Variants in LRPPRC observed in about 807,000 individuals in gnomAD.
The protein encoded by LRPPRC is leucine-rich PPR motif-containing protein, mitochondrial.
In LRPPRC, 120 loss-of-function variants were observed where a neutral mutation model predicts 180.3. The observed-to-expected ratio is 0.67, with a 90% CI of 0.57 to 0.77. The LOEUF (loss-of-function observed/expected upper bound fraction) is 0.77. Ranked by LOEUF, LRPPRC falls within the 30% of genes least tolerant of loss-of-function variation. LRPPRC has a pLI of 0.00. For missense variants in LRPPRC, 2,012 were observed against 1,657.2 expected, an observed-to-expected ratio of 1.21 and a Z score of -3.72; for synonymous variants, 723 against 600.0, an observed-to-expected ratio of 1.21 and a Z score of -3.00.
intron 25 of LRPPRC, among the ~76,000 whole-genome samples, chr2:43,927,272 C>T (rs2105045320): frequency 6.6e-6 from 1 of 152,252 alleles, no homozygotes; most frequent in East Asian, 1.9e-4. Context: ...CTCTTAAGTC[C>T]TCATTATTTT....
rs974962342 is a variant in LRPPRC, at chr2:43,944,292, A to G, written c.2297-398T>C. On this transcript the variant is annotated intron_variant, in intron 22 of 37. Coordinates refer to ENST00000260665, the MANE Select transcript of LRPPRC (RefSeq NM_133259.4). ...ATAAAGATGTGTTTACACTGTATATACAGCCAGACTAATGGTCTGATACCG... is the reference window on the plus strand; with the variant it reads ...ATAAAGATGTGTTTACACTGTATATGCAGCCAGACTAATGGTCTGATACCG... Among the ~76,000 whole-genome samples the G allele has an allele frequency of 3.9e-5, 6 of 152,200 alleles. No homozygotes were observed. In the East Asian group the frequency reaches 9.6e-4, roughly 24 times the overall value.
chr2:43,974,888 A>T (rs1572567630), intron 7 of LRPPRC, 130 bp from the exon 8 acceptor site: 1 of 1,037,132 alleles, frequency 9.6e-7, no homozygotes, highest in East Asian at 2.5e-5. Flanking sequence ...TTCTTTTAAA[A>T]AACAGGAAAT....
Position 43,963,599 on chromosome 2 carries a change from C to G in LRPPRC, c.1477G>C (p.Ala493Pro). Residue 493 changes from alanine to proline, a missense_variant, in exon 12 of 38, where the codon GCC becomes CCC. By Grantham distance (27) the Ala-to-Pro change is conservative (BLOSUM62 -1). Transcript: ENST00000260665. ...ACACTTGTACTCACCTGCAAAATGG[C>G]TCGTGCTGAGTTTACACTATCAAAG... is the stretch of plus-strand genomic sequence containing the variant. ...PCFDSVNSAR[A>P]ILQENGCLSD... The G allele has an allele frequency of 6.3e-7, 1 of 1,593,024 alleles. No homozygotes were observed. Among genetic ancestry groups the G allele is most frequent in the Non-Finnish European group, 8.6e-7 (1 of 1,160,984 alleles).
intron 23 of LRPPRC, among the ~76,000 whole-genome samples, chr2:43,939,001 G>A (rs182885342): frequency 2.7e-4 from 41 of 152,068 alleles, no homozygotes; most frequent in South Asian, 1.2e-3. Flanking sequence ...GGCCGGGCGC[G>A]GTGGCTCACG....
At chr2:43,899,877 G>C (rs1322883935) in intron 32 of LRPPRC, among the ~76,000 whole-genome samples, 1 of 152,118 alleles carries the variant, frequency 6.6e-6, no homozygotes, top group Non-Finnish European at 1.5e-5. Flanking sequence ...ATGCTCTACA[G>C]ACAAGATCAA....
At position 43,925,981 on chromosome 2, in the gene LRPPRC, C is replaced by T. The variant is rs750567411; in HGVS notation, c.2737-20G>A. 4 of 1,436,268 alleles carry T rather than the reference C, an allele frequency of 2.8e-6. No homozygotes were observed. Among genetic ancestry groups the T allele is most frequent in the Non-Finnish European group, 3.9e-6 (4 of 1,017,696 alleles). The allele number at this position is 1,436,268 out of a possible 1,614,324, so 89.0% of individuals were successfully genotyped here. A position where few individuals can be genotyped will look rare whatever the true frequency, so the allele number is the denominator to read the frequency against. The stretch of plus-strand genomic sequence containing the variant: ...TGGAGTCTGTAAAATAAAATAATCA[C>T]ATAGCACCCAAGGTAAGGCTTCGGC... On this transcript the variant is annotated intron_variant, in intron 25 of 37. Coordinates refer to ENST00000260665, the MANE Select transcript of LRPPRC (RefSeq NM_133259.4).
intron 25 of LRPPRC, among the ~76,000 whole-genome samples, chr2:43,930,406 T>C (rs1361026613): frequency 6.6e-6 from 1 of 152,200 alleles, no homozygotes; most frequent in Non-Finnish European, 1.5e-5. Context: ...ACGTTGAGTA[T>C]CCCTTATCCA....
chr2:43,995,975 A>G lies in LRPPRC; in HGVS notation c.-28T>C, dbSNP rs977301055. 6.6e-7 allele frequency: 1 copy of G among 1,523,506 alleles called. No homozygotes were observed. Among genetic ancestry groups the G allele is most frequent in the Non-Finnish European group, 8.8e-7 (1 of 1,142,058 alleles). 94.4% of individuals were successfully genotyped at this position (1,523,506 alleles called of 1,614,324 possible). On this transcript the variant is annotated 5_prime_UTR_variant, in exon 1 of 38. Coordinates refer to ENST00000260665, the MANE Select transcript of LRPPRC (RefSeq NM_133259.4). ...CTCGAACGTCCCCGCAGCGGGAAGC[A>G]CGCTCCGCCAGAAGGACAGGAGGAG... is the stretch of plus-strand genomic sequence containing the variant.
intron 23 of LRPPRC, among the ~76,000 whole-genome samples, chr2:43,939,671 A>G (rs1464244425): frequency 1.3e-5 from 2 of 152,220 alleles, no homozygotes; most frequent in Admixed American, 1.3e-4. Flanking sequence ...TTTTCTGTTC[A>G]TCATCTATAA....
intron 35 of LRPPRC, 103 bp downstream of exon 35, chr2:43,896,531 T>C (rs1398399464): frequency 2.7e-6 from 2 of 749,734 alleles, no homozygotes; most frequent in Non-Finnish European, 4.6e-6. Context: ...TCTATAGTAT[T>C]CTCAAATAAG....
chr2:43,899,924 T>A (rs1003813411), intron 32 of LRPPRC, among the ~76,000 whole-genome samples: 16 of 152,350 alleles, frequency 1.1e-4, no homozygotes, highest in African/African-American at 3.6e-4. Context: ...AGATAACTTT[T>A]AAAATTCTGT....
chr2:43,948,220 G>C (rs777417693), intron 17 of LRPPRC, 21 bp from the exon 18 acceptor site: 1 of 1,403,544 alleles, frequency 7.1e-7, no homozygotes, highest in South Asian at 1.2e-5. Context: ...GGAAGGGAGG[G>C]GGGAAAAAAC....
Position 43,905,199 on chromosome 2 carries a change from A to G in LRPPRC, c.3364+493T>C, listed in dbSNP as rs78332363. On this transcript the variant is annotated intron_variant, in intron 31 of 37. Transcript: ENST00000260665. ...AAAAGTATTAGATTAAGTTTTAAAA[A>G]TCAATATTATAATCATTTGGTGCAC... Among the ~76,000 whole-genome samples, 1,375 of 152,348 alleles carry G rather than the reference A, an allele frequency of 9.0e-3. 25 individuals are homozygous for G. The highest frequency in any genetic ancestry group is 0.031 in the African/African-American group (1,306 of 41,582).
intron 14 of LRPPRC, among the ~76,000 whole-genome samples, chr2:43,952,837 C>A (rs569080141): frequency 6.6e-6 from 1 of 152,144 alleles, no homozygotes; most frequent in Non-Finnish European, 1.5e-5. Flanking sequence ...TGTTTCCTGT[C>A]CCCCTATCTG....
At chr2:43,939,447 A>G (rs1488960150) in intron 23 of LRPPRC, among the ~76,000 whole-genome samples, 1 of 152,180 alleles carries the variant, frequency 6.6e-6, no homozygotes, top group Non-Finnish European at 1.5e-5. Flanking sequence ...TCAAATCTGC[A>G]ATCACTACAG....
At chr2:43,915,244 A>T (rs1171372155) in intron 29 of LRPPRC, among the ~76,000 whole-genome samples, 3,574 of 107,304 alleles carry the variant, frequency 0.033, 72 homozygotes, top group Non-Finnish European at 0.046. Flanking sequence ...ACACACACAC[A>T]CACACACACA....
At chr2:43,958,030 AT>A (rs1559011014) in intron 13 of LRPPRC, among the ~76,000 whole-genome samples, 1 of 152,176 alleles carries the variant, frequency 6.6e-6, no homozygotes, top group African/African-American at 2.4e-5. Context: ...TTTTCTGAGT[AT>A]TTGTTTGCTC....
chr2:43,928,730 C>T lies in LRPPRC; in HGVS notation c.2737-2769G>A, dbSNP rs996087616. Among the ~76,000 whole-genome samples, 4 of 152,046 alleles carry T rather than the reference C, an allele frequency of 2.6e-5. No homozygotes were observed. The South Asian group carries it at 6.2e-4, about 24-fold the overall frequency. On this transcript the variant is annotated intron_variant, in intron 25 of 37. Coordinates refer to ENST00000260665, the MANE Select transcript of LRPPRC (RefSeq NM_133259.4). ...TGCACCTGTGAACAGCCAATGCACT[C>T]CAGTCTGGGCAACACAGTGTGACCC...
At chr2:43,967,203 AGCCTAGGCAACACAAGGAGACCCCT>A (rs1476686753) in intron 11 of LRPPRC, among the ~76,000 whole-genome samples, 6 of 152,182 alleles carry the variant, frequency 3.9e-5, no homozygotes, top group African/African-American at 1.4e-4. Flanking sequence ...ATTTGAGACC[AGCCTAGGCAACACAAGGAGACCCCT>A]GTTTCTACCA....
Sources: allele counts gnomAD v4.1 joint callset (sites outside exome capture counted in the v4.1 genomes callset), GRCh38; gene constraint gnomAD v4.1.1; transcripts MANE v1.5; gene names NCBI Gene and HGNC (gene_info 2026-07-23, HGNC 2026-07-21).